The following SLC1A3 variants were observed in gnomAD, a reference collection of about 807,000 sequenced individuals.
The protein encoded by SLC1A3 is excitatory amino acid transporter 1.
Under a neutral mutation model 48.1 loss-of-function variants are expected in SLC1A3, and 21 were observed. That is an observed-to-expected ratio of 0.44 (90% CI 0.31 to 0.63). The LOEUF (loss-of-function observed/expected upper bound fraction) is 0.63, where lower values mean the gene tolerates loss of function less well. SLC1A3 is among the 20% of genes least tolerant of loss of function. SLC1A3 has a pLI of 0.08. For missense variants in SLC1A3, 546 were observed against 689.0 expected, an observed-to-expected ratio of 0.79 and a Z score of 2.32; for synonymous variants, 239 against 251.4, an observed-to-expected ratio of 0.95 and a Z score of 0.47.
At chr5:36,615,241 G>A (rs1579950058) in intron 2 of SLC1A3, among the ~76,000 whole-genome samples, 2 of 151,906 alleles carry the variant, frequency 1.3e-5, no homozygotes, top group Admixed American at 6.6e-5. Flanking sequence ...CAAATCTCTG[G>A]GTCTCATTTT....
chr5:36,616,690 G>A (rs1704464019), intron 2 of SLC1A3, among the ~76,000 whole-genome samples: 1 of 152,136 alleles, frequency 6.6e-6, no homozygotes, highest in Non-Finnish European at 1.5e-5. Flanking sequence ...AATATACCCT[G>A]CAAAGATGGT....
chr5:36,608,006 G>C (rs531706417), intron 1 of SLC1A3, among the ~76,000 whole-genome samples: 2 of 152,236 alleles, frequency 1.3e-5, no homozygotes, highest in South Asian at 4.1e-4. Flanking sequence ...CGTTGTGCAA[G>C]GCATCAGCTG....
chr5:36,665,780 G>A (rs1044132463), intron 3 of SLC1A3, among the ~76,000 whole-genome samples: 10 of 152,156 alleles, frequency 6.6e-5, no homozygotes, highest in Admixed American at 3.9e-4. Flanking sequence ...GTATTCTAAC[G>A]TCAGAGTCTG....
At position 36,650,320 on chromosome 5, in the gene SLC1A3, T is replaced by G. The variant is rs563670334; in HGVS notation, c.320-20709T>G. Among the ~76,000 whole-genome samples the G allele has an allele frequency of 3.9e-5, 6 of 152,350 alleles. No individual in the cohort carries two copies. In the East Asian group the frequency reaches 1.2e-3, roughly 29 times the overall value. ...ATTTTTCTCCCCTTAAATATAATCA[T>G]AATACCCATTATCACTTGTTAAAAC... On this transcript the variant is annotated intron_variant, in intron 3 of 9. Transcript: ENST00000265113.
At chr5:36,676,202 G>A (rs773686907) in intron 5 of SLC1A3, among the ~76,000 whole-genome samples, 1 of 152,188 alleles carries the variant, frequency 6.6e-6, no homozygotes, top group Non-Finnish European at 1.5e-5. Flanking sequence ...AGAATGGCTT[G>A]GAAACAGCTT....
chr5:36,665,454 C>G (rs73089416), intron 3 of SLC1A3, among the ~76,000 whole-genome samples: 3,516 of 152,310 alleles, frequency 0.023, 136 homozygotes, highest in African/African-American at 0.081. Flanking sequence ...ACTTTGTACC[C>G]TGTAAATATG....
chr5:36,665,298 T>A (rs557376295), intron 3 of SLC1A3, among the ~76,000 whole-genome samples: 220 of 150,682 alleles, frequency 1.5e-3, no homozygotes, highest in African/African-American at 5.2e-3. Context: ...TTCAAAAAAA[T>A]GATTATTGAG....
chr5:36,607,028 G>C (rs1282254599), intron 1 of SLC1A3: 1 of 96,668 alleles, frequency 1.0e-5, no homozygotes, highest in Admixed American at 1.2e-4. Context: ...AGAGGAATCA[G>C]AGCTATTAGT....
intron 8 of SLC1A3, 24 bp downstream of exon 8, chr5:36,680,613 C>A (rs752225936): frequency 6.3e-7 from 1 of 1,587,968 alleles, no homozygotes; most frequent in Admixed American, 1.7e-5. Flanking sequence ...GTTCTATACA[C>A]CCTTTCTTAA....
chr5:36,680,538 T>C lies in SLC1A3; in HGVS notation c.1238T>C (p.Ile413Thr). The stretch of plus-strand genomic sequence containing the variant: ...TATGAGGCTTTGGCTGCCATTTTCA[T>C]TGCTCAAGTTAACAACTTTGAACTG... ...ALYEALAAIFIAQVNNFELNF... is the reference protein window; with the variant it reads ...ALYEALAAIFTAQVNNFELNF... Residue 413 changes from isoleucine to threonine, a missense_variant, in exon 8 of 10, where the codon ATT becomes ACT. By Grantham distance (89) the Ile-to-Thr change is moderately conservative. Transcript: ENST00000265113. The C allele has an allele frequency of 1.9e-6, 3 of 1,614,234 alleles. No homozygotes were observed. Among genetic ancestry groups the C allele is most frequent in the Non-Finnish European group, 2.5e-6 (3 of 1,180,028 alleles).
intron 1 of SLC1A3, among the ~76,000 whole-genome samples, chr5:36,607,623 C>G (rs1322494860): frequency 6.6e-6 from 1 of 152,146 alleles, no homozygotes; most frequent in Non-Finnish European, 1.5e-5. Context: ...CTTCATACTT[C>G]TACTTGTGAT....
intron 3 of SLC1A3, chr5:36,638,906 T>TC (rs954369607): frequency 1.3e-5 from 2 of 152,180 alleles, no homozygotes; most frequent in Non-Finnish European, 2.9e-5. Flanking sequence ...GACCTTGTGA[T>TC]CCACCCGTCT....
chr5:36,635,822 C>G (rs1437454985), intron 3 of SLC1A3, among the ~76,000 whole-genome samples: 1 of 152,112 alleles, frequency 6.6e-6, no homozygotes, highest in Admixed American at 6.5e-5. Context: ...TCATGGCGGC[C>G]TGGAAACAAG....
In SLC1A3 at chr5:36,662,588, G is replaced by A. The variant is rs553484812; in HGVS notation, c.320-8441G>A. On this transcript the variant is annotated intron_variant, in intron 3 of 9. Coordinates refer to ENST00000265113, the MANE Select transcript of SLC1A3 (RefSeq NM_004172.5). The stretch of plus-strand genomic sequence containing the variant: ...CCTCTTCAAAAAAGCATATTGTGCG[G>A]CACATTCCAATACAGTGAGCGAAGG... 5.3e-5 allele frequency among the ~76,000 whole-genome samples: 8 copies of A among 152,314 alleles called. 1 individual carries two copies. In the South Asian group the frequency reaches 1.7e-3, roughly 32 times the overall value.
rs7716057 is a variant in SLC1A3, at chr5:36,680,629, C to T, written c.1289+40C>T. The T allele has an allele frequency of 5.6e-3, 8,696 of 1,553,798 alleles. 431 individuals carry two copies. In the African/African-American group the frequency reaches 0.11, roughly 19 times the overall value. On this transcript the variant is annotated intron_variant, in intron 8 of 9. Transcript: ENST00000265113. ...TTCTATACACCCTTTCTTAAGAATG[C>T]CTTTAAGGCTGGGCGTGGTGGCTCA...
chr5:36,678,761 T>C (rs16903263), intron 6 of SLC1A3, among the ~76,000 whole-genome samples: 1,882 of 152,282 alleles, frequency 0.012, 44 homozygotes, highest in African/African-American at 0.042. Context: ...TCATTTTGAG[T>C]CTCAGTTTAT....
At chr5:36,625,813 GAGA>G (rs1221176784) in intron 2 of SLC1A3, among the ~76,000 whole-genome samples, 1 of 152,166 alleles carries the variant, frequency 6.6e-6, no homozygotes, top group Non-Finnish European at 1.5e-5. Flanking sequence ...TCCTACTATA[GAGA>G]AGAACTTTTA....
intron 2 of SLC1A3, chr5:36,612,988 T>C (rs1379951480): frequency 5.2e-6 from 2 of 382,828 alleles, no homozygotes; most frequent in African/African-American, 4.2e-5. Context: ...TGAGAGAAGG[T>C]GGACTGCAGA....
intron 2 of SLC1A3, among the ~76,000 whole-genome samples, chr5:36,611,723 A>T (rs772349595): frequency 3.9e-5 from 6 of 152,140 alleles, no homozygotes; most frequent in Non-Finnish European, 8.8e-5. Context: ...CAAAAACCAC[A>T]CTGGGAAGAG....
Sources: gnomAD v4.1 joint callset for allele counts (sites outside exome capture counted in the v4.1 genomes callset) on GRCh38, gnomAD v4.1.1 for gene constraint, MANE v1.5 for transcripts, NCBI Gene and HGNC (gene_info 2026-07-23, HGNC 2026-07-21) for gene names.